Variants in TMLHE observed in about 807,000 individuals in gnomAD.
TMLHE encodes the protein trimethyllysine hydroxylase, epsilon.
A neutral mutation model predicts 25.7 loss-of-function variants in TMLHE; 18 were observed. The ratio of observed to expected loss-of-function variants is 0.70; its 90% CI spans 0.48 to 1.04. TMLHE has a LOEUF of 1.04. TMLHE is among the 50% of genes least tolerant of loss of function. The pLI is 0.00. For missense variants in TMLHE, 236 were observed against 259.0 expected (o/e 0.91, Z 0.61); for synonymous variants, 105 against 97.0 (o/e 1.08, Z -0.49).
At chrX:155,537,953 T>C (rs2067288917) in intron 2 of TMLHE, among the ~76,000 whole-genome samples, 1 of 112,180 alleles carries the variant, frequency 8.9e-6, no homozygotes, top group African/African-American at 3.2e-5. Context: ...AATAAATGGA[T>C]TACTTCACAT....
At chrX:155,549,876 G>C (rs782657884) in intron 1 of TMLHE, among the ~76,000 whole-genome samples, 11 of 108,957 alleles carry the variant, frequency 1.0e-4, no homozygotes, top group African/African-American at 3.4e-4. Flanking sequence ...CCCTCCCCTA[G>C]CCCCCACTCC....
chrX:155,560,070 C>A (rs956222996), intron 1 of TMLHE, among the ~76,000 whole-genome samples: 8 of 112,079 alleles, frequency 7.1e-5, no homozygotes, highest in Non-Finnish European at 1.5e-4. Context: ...ATTTTTCTTA[C>A]CTCAATTGCT....
At chrX:155,589,019 GA>G (rs2067680277) in intron 1 of TMLHE, among the ~76,000 whole-genome samples, 4 of 111,984 alleles carry the variant, frequency 3.6e-5, no homozygotes, top group African/African-American at 1.3e-4. Context: ...TATATCAAAA[GA>G]ATACCTGCAC....
At chrX:155,537,551 T>C (rs1399452414) in intron 2 of TMLHE, among the ~76,000 whole-genome samples, 2 of 111,131 alleles carry the variant, frequency 1.8e-5, no homozygotes, top group Admixed American at 1.9e-4. Context: ...CCGATAATCC[T>C]TCAACCCCAT....
At chrX:155,523,324 C>A (rs2067199829) in intron 3 of TMLHE, among the ~76,000 whole-genome samples, 1 of 110,990 alleles carries the variant, frequency 9.0e-6, no homozygotes. Flanking sequence ...AGTCCGCAAT[C>A]TACTATGATT....
rs1557332761 is a variant in TMLHE, at chrX:155,507,031, C to T, written c.862G>A (p.Glu288Lys). 1 of 1,209,736 alleles carries T rather than the reference C, an allele frequency of 8.3e-7. No individual in the cohort carries two copies. Among genetic ancestry groups the T allele is most frequent in the Admixed American group, 2.2e-5 (1 of 45,815 alleles). The change falls in exon 6 of 8, where the codon GAA becomes AAA. Residue 288 changes from glutamate to lysine, a missense_variant. This residue lies in a region of TMLHE where 217 missense variants were observed against 214.6 expected (regional missense o/e 1.01). Coordinates refer to ENST00000334398, the MANE Select transcript of TMLHE (RefSeq NM_018196.4). ...AEQVLQKAPE[E>K]FELLSKVPLK... ...GGCACTTTACTGAGGAGTTCAAATT[C>T]CTCAGGTGCCTTTTGAAGTACCTGT...
intron 1 of TMLHE, among the ~76,000 whole-genome samples, chrX:155,594,367 T>G (rs781828890): frequency 9.1e-6 from 1 of 110,170 alleles, no homozygotes; most frequent in South Asian, 3.8e-4. Flanking sequence ...CCTTCAAAAA[T>G]GAGGAAGCAA....
intron 1 of TMLHE, among the ~76,000 whole-genome samples, chrX:155,586,831 C>G (rs2067667930): frequency 8.9e-6 from 1 of 111,791 alleles, no homozygotes; most frequent in Non-Finnish European, 1.9e-5. Flanking sequence ...AATAGAAAAG[C>G]TGAACAGATC....
At chrX:155,605,279 T>C (rs1557347725) in intron 1 of TMLHE, among the ~76,000 whole-genome samples, 3 of 111,591 alleles carry the variant, frequency 2.7e-5, no homozygotes. Context: ...CAAACATCAC[T>C]AGAAAGGACA....
In TMLHE at chrX:155,524,571, G is replaced by A. The variant is rs781871789; in HGVS notation, c.243C>T (p.Arg81=). 2.5e-6 allele frequency: 3 copies of A among 1,206,833 alleles called. No individual in the cohort carries two copies. Among genetic ancestry groups the A allele is most frequent in the Non-Finnish European group, 3.4e-6 (3 of 892,971 alleles). ...TCTTAGAGTTGTAGCACGATGCTGAGCGGCAGTGGTCTCGAAGCCAGACGT... is the reference window on the plus strand; with the variant it reads ...TCTTAGAGTTGTAGCACGATGCTGAACGGCAGTGGTCTCGAAGCCAGACGT... The part of the protein sequence containing the change: ...FDYVWLRDHC[R]SASCYNSKTH... Residue 81 remains arginine, a synonymous_variant, in exon 3 of 8, where the codon CGC becomes CGT. Coordinates refer to ENST00000334398, the MANE Select transcript of TMLHE (RefSeq NM_018196.4).
chrX:155,590,047 C>A (rs1295503900), intron 1 of TMLHE, among the ~76,000 whole-genome samples: 3 of 111,718 alleles, frequency 2.7e-5, no homozygotes, highest in Non-Finnish European at 5.7e-5. Context: ...TAGTAGAACT[C>A]CTGTACAAAA....
At chrX:155,578,860 C>T (rs782381936) in intron 1 of TMLHE, among the ~76,000 whole-genome samples, 56 of 111,306 alleles carry the variant, frequency 5.0e-4, no homozygotes, top group Non-Finnish European at 9.6e-4. Context: ...AAAAACTTTG[C>T]CCTAGAAAAC....
chrX:155,554,719 T>C (rs1200711653), intron 1 of TMLHE, among the ~76,000 whole-genome samples: 2 of 109,768 alleles, frequency 1.8e-5, no homozygotes, highest in African/African-American at 6.7e-5. Context: ...TGTTGTAAAA[T>C]CTTTTCCCCT....
At chrX:155,575,656 G>A (rs782426473) in intron 1 of TMLHE, among the ~76,000 whole-genome samples, 4 of 111,811 alleles carry the variant, frequency 3.6e-5, no homozygotes, top group African/African-American at 9.8e-5. Flanking sequence ...CTAATCCACC[G>A]CAATCAAATA....
At chrX:155,531,181 G>A (rs896231536) in intron 2 of TMLHE, among the ~76,000 whole-genome samples, 3 of 112,149 alleles carry the variant, frequency 2.7e-5, no homozygotes, top group African/African-American at 9.7e-5. Flanking sequence ...GGAGACATGA[G>A]AATGACAGAA....
At chrX:155,608,186 T>C (rs187372841) in intron 1 of TMLHE, among the ~76,000 whole-genome samples, 6 of 111,982 alleles carry the variant, frequency 5.4e-5, no homozygotes, top group Admixed American at 9.4e-5. Context: ...CAAAAGAGCA[T>C]GGTACTGGTA....
chrX:155,581,162 T>C (rs1557344486), intron 1 of TMLHE, among the ~76,000 whole-genome samples: 2 of 111,707 alleles, frequency 1.8e-5, no homozygotes, highest in African/African-American at 6.5e-5. Context: ...TAGGTAGTGA[T>C]GGAACGTATC....
At chrX:155,547,452 A>C (rs2124416722) in intron 1 of TMLHE, among the ~76,000 whole-genome samples, 1 of 112,144 alleles carries the variant, frequency 8.9e-6, no homozygotes, top group African/African-American at 3.2e-5. Context: ...TATAATAGGT[A>C]CTTTCTTAAG....
At chrX:155,603,997 G>A (rs1232906897) in intron 1 of TMLHE, among the ~76,000 whole-genome samples, 3 of 111,892 alleles carry the variant, frequency 2.7e-5, no homozygotes, top group Non-Finnish European at 3.8e-5. Context: ...TAAGACTGGG[G>A]AAGGAATAAA....
Sources: allele counts gnomAD v4.1 joint callset (sites outside exome capture counted in the v4.1 genomes callset), GRCh38; gene constraint gnomAD v4.1.1; regional missense constraint gnomAD v4.1.1; transcripts MANE v1.5; gene names NCBI Gene and HGNC (gene_info 2026-07-23, HGNC 2026-07-21).